Variants in EYS observed in about 807,000 individuals in gnomAD.
EYS encodes the protein protein eyes shut homolog.
A neutral mutation model predicts 282.1 loss-of-function variants in EYS; 250 were observed. The ratio of observed to expected loss-of-function variants is 0.89; its 90% CI spans 0.80 to 0.98. EYS has a LOEUF of 0.98. Ranked by LOEUF, EYS falls within the 50% of genes least tolerant of loss-of-function variation. The pLI is 0.00. For missense variants in EYS, 4,016 were observed against 3,709.0 expected, an observed-to-expected ratio of 1.08 and a Z score of -2.15; for synonymous variants, 1,355 against 1,282.9, an observed-to-expected ratio of 1.06 and a Z score of -1.20.
intron 5 of EYS, among the ~76,000 whole-genome samples, chr6:65,463,275 T>C (rs931125122): frequency 3.3e-5 from 5 of 152,138 alleles, no homozygotes; most frequent in Non-Finnish European, 7.3e-5. Context: ...GCTGTTTCTT[T>C]TGTCTACAAC....
At chr6:65,386,792 G>A (rs1049687781) in intron 7 of EYS, among the ~76,000 whole-genome samples, 1 of 151,818 alleles carries the variant, frequency 6.6e-6, no homozygotes, top group Non-Finnish European at 1.5e-5. Flanking sequence ...AAATACAGGG[G>A]GAGAGAAAAG....
chr6:65,702,417 G>A (rs1188229516), intron 1 of EYS, among the ~76,000 whole-genome samples: 1 of 152,200 alleles, frequency 6.6e-6, no homozygotes, highest in Non-Finnish European at 1.5e-5. Flanking sequence ...GTGGCCAGGT[G>A]CGGTGGCTCA....
chr6:64,787,362 A>G (rs1774056026), intron 22 of EYS, among the ~76,000 whole-genome samples: 2 of 152,240 alleles, frequency 1.3e-5, no homozygotes, highest in Middle Eastern at 6.8e-3. Flanking sequence ...TTTTTCCTAA[A>G]GTTTTGCAAG....
chr6:65,104,504 G>GT (rs1207127561), intron 12 of EYS, among the ~76,000 whole-genome samples: 2 of 151,354 alleles, frequency 1.3e-5, no homozygotes, highest in African/African-American at 4.8e-5. Context: ...ATGTTGAAAA[G>GT]TTTTTAAAAT....
chr6:64,747,172 T>A (rs1772582418), intron 22 of EYS, among the ~76,000 whole-genome samples: 1 of 152,212 alleles, frequency 6.6e-6, no homozygotes. Context: ...TACTTTGTAA[T>A]TTTTGGTAAG....
intron 31 of EYS, among the ~76,000 whole-genome samples, chr6:64,218,783 T>C (rs960344254): frequency 6.6e-6 from 1 of 152,166 alleles, no homozygotes; most frequent in African/African-American, 2.4e-5. Flanking sequence ...GGCAAAGTTA[T>C]TGAAGAAAGT....
intron 37 of EYS, among the ~76,000 whole-genome samples, chr6:63,804,311 T>A (rs1313655538): frequency 6.6e-6 from 1 of 152,218 alleles, no homozygotes; most frequent in African/African-American, 2.4e-5. Context: ...TCACCGCGCC[T>A]GGCCGAGTCC....
At chr6:65,202,694 G>A (rs1273037425) in intron 12 of EYS, among the ~76,000 whole-genome samples, 2 of 152,140 alleles carry the variant, frequency 1.3e-5, no homozygotes, top group Non-Finnish European at 2.9e-5. Context: ...TGACAGCTGT[G>A]GTTTCTGCTG....
chr6:65,495,192 A>G lies in EYS; in HGVS notation c.219T>C (p.Ala73=), dbSNP rs1766206232. The G allele has an allele frequency of 6.2e-7, 1 of 1,614,180 alleles. No individual in the cohort carries two copies. Among genetic ancestry groups the G allele is most frequent in the Non-Finnish European group, 8.5e-7 (1 of 1,180,008 alleles). ...TTTGCAAAGGGCAAATCTGGGGAAC[A>G]GCTTGATTGCCTGAAGTATCTATTT... ...NTKIDTSGNQ[A]VPQICPLQIQ... Residue 73 remains alanine (A), a synonymous_variant, in exon 4 of 43, where the codon GCT becomes GCC. Transcript: ENST00000503581.
chr6:64,971,625 A>G (rs1050330257), intron 14 of EYS, among the ~76,000 whole-genome samples: 2 of 152,152 alleles, frequency 1.3e-5, no homozygotes, highest in Non-Finnish European at 2.9e-5. Flanking sequence ...TTGATAGTGG[A>G]CATGCCCCTA....
chr6:65,333,343 C>A (rs1478724743), intron 11 of EYS, among the ~76,000 whole-genome samples: 5 of 151,556 alleles, frequency 3.3e-5, no homozygotes. Flanking sequence ...GTAAATTTAT[C>A]AAGTTACTTA....
chr6:64,162,014 T>A (rs1294379957), intron 31 of EYS, among the ~76,000 whole-genome samples: 1 of 152,188 alleles, frequency 6.6e-6, no homozygotes. Flanking sequence ...AGGATAGGGA[T>A]AGGTTTAGGG....
chr6:64,417,853 A>C (rs1774107953), intron 28 of EYS, among the ~76,000 whole-genome samples: 5 of 151,926 alleles, frequency 3.3e-5, no homozygotes, highest in Admixed American at 3.3e-4. Context: ...TTGTATCTTT[A>C]GTGGAGATGG....
chr6:63,847,092 T>C (rs928702293), intron 36 of EYS, among the ~76,000 whole-genome samples: 1 of 152,214 alleles, frequency 6.6e-6, no homozygotes, highest in Admixed American at 6.5e-5. Flanking sequence ...ATTTCTGATA[T>C]TGGGTATTTA....
intron 12 of EYS, among the ~76,000 whole-genome samples, chr6:65,129,983 G>T (rs61610483): frequency 1.9e-4 from 28 of 151,294 alleles, no homozygotes; most frequent in Non-Finnish European, 4.0e-4. Flanking sequence ...GCCATAAAAA[G>T]AAAAAAAATC....
intron 31 of EYS, among the ~76,000 whole-genome samples, chr6:64,150,673 A>G (rs1442826004): frequency 6.6e-6 from 1 of 151,956 alleles, no homozygotes; most frequent in Non-Finnish European, 1.5e-5. Context: ...ATAGCAAGGT[A>G]TATGTGTAAG....
chr6:65,293,199 A>G (rs1469417871), intron 12 of EYS, among the ~76,000 whole-genome samples: 2 of 151,626 alleles, frequency 1.3e-5, no homozygotes, highest in Non-Finnish European at 3.0e-5. Context: ...TATTTTGACC[A>G]TGTAAAAATT....
At chr6:64,493,084 T>C (rs1342207599) in intron 26 of EYS, among the ~76,000 whole-genome samples, 1 of 151,492 alleles carries the variant, frequency 6.6e-6, no homozygotes, top group Non-Finnish European at 1.5e-5. Flanking sequence ...TTCATCTATG[T>C]CTAGAGAAAT....
intron 28 of EYS, among the ~76,000 whole-genome samples, chr6:64,390,609 C>A: frequency 1.3e-5 from 2 of 150,834 alleles, no homozygotes; most frequent in East Asian, 3.9e-4. Flanking sequence ...ACATCCATAC[C>A]AAAAACCCAT....
Sources: allele counts gnomAD v4.1 joint callset (sites outside exome capture counted in the v4.1 genomes callset), GRCh38; gene constraint gnomAD v4.1.1; transcripts MANE v1.5; gene names NCBI Gene and HGNC (gene_info 2026-07-23, HGNC 2026-07-21).